DCDC2: variants seen among roughly 807,000 people sequenced by gnomAD.
DCDC2 encodes doublecortin domain-containing protein 2.
Under a neutral mutation model 50.2 loss-of-function variants are expected in DCDC2, and 40 were observed. The ratio of observed to expected loss-of-function variants is 0.80; its 90% CI spans 0.62 to 1.04. The LOEUF (loss-of-function observed/expected upper bound fraction) is 1.04. Ranked by LOEUF, DCDC2 falls within the 50% of genes least tolerant of loss-of-function variation. The pLI is 0.00. For synonymous variants in DCDC2, 234 were observed against 210.6 expected, an observed-to-expected ratio of 1.11 and a Z score of -0.96; for missense variants, 570 against 581.9, an observed-to-expected ratio of 0.98 and a Z score of 0.21.
chr6:24,268,608 G>A (rs1381038314), intron 7 of DCDC2, among the ~76,000 whole-genome samples: 7 of 152,306 alleles, frequency 4.6e-5, no homozygotes, highest in Non-Finnish European at 1.0e-4. Flanking sequence ...AGAAGCTCTT[G>A]TCGCCCAGGT....
At chr6:24,212,131 C>A (rs1382419175) in intron 7 of DCDC2, among the ~76,000 whole-genome samples, 1 of 152,138 alleles carries the variant, frequency 6.6e-6, no homozygotes, top group African/African-American at 2.4e-5. Context: ...ATCTAGGGTG[C>A]ACGCTCCTTA....
intron 8 of DCDC2, among the ~76,000 whole-genome samples, chr6:24,201,872 A>G (rs547555775): frequency 6.6e-6 from 1 of 152,350 alleles, no homozygotes; most frequent in South Asian, 2.1e-4. Context: ...CTCTATGCAA[A>G]TAAACTAGAA....
rs755668102 is a variant in DCDC2 at position 24,205,163 on chromosome 6, C to T, written c.923-61G>A. On this transcript the variant is annotated intron_variant, in intron 7 of 9. Coordinates refer to ENST00000378454, the MANE Select transcript of DCDC2 (RefSeq NM_016356.5). ...AATTGTGACATCGTGTGGCTGAATG[C>T]TGGAATTACAATCAAATGCTTATTT... 5.6e-6 allele frequency: 9 copies of T among 1,614,124 alleles called. No homozygotes were observed. In the South Asian group the frequency reaches 6.6e-5, roughly 12 times the overall value.
At chr6:24,369,069 G>A in the DCDC2 span, among the ~76,000 whole-genome samples, 1 of 149,562 alleles carries the variant, frequency 6.7e-6, no homozygotes. Context: ...GGGAGGTGGA[G>A]GTTGCAGTGA....
intron 2 of DCDC2, among the ~76,000 whole-genome samples, chr6:24,347,822 T>C (rs1032076540): frequency 1.3e-5 from 2 of 152,054 alleles, no homozygotes; most frequent in East Asian, 1.9e-4. Context: ...TGAAACAAAA[T>C]CTAAATAGGT....
chr6:24,178,448 C>A lies in DCDC2; in HGVS notation c.1208G>T (p.Arg403Leu), dbSNP rs139858268. Reference sequence around the variant, plus strand: ...CTCCTCATCGGTGCCTCCATTTACACGAGCAGGGCGTGCCTGCTGCTCACT... The same window carrying A: ...CTCCTCATCGGTGCCTCCATTTACAAGAGCAGGGCGTGCCTGCTGCTCACT... Reference protein sequence around the residue: ...DHSEQQARPARVNGGTDEENG... With the variant: ...DHSEQQARPALVNGGTDEENG... The change falls in exon 9 of 10, where the codon CGT (arginine) becomes CTT (leucine). Residue 403 changes from arginine to leucine, a missense_variant. Transcript: ENST00000378454. 6.2e-7 allele frequency: 1 copy of A among 1,614,202 alleles called. No homozygotes were observed. Among genetic ancestry groups the A allele is most frequent in the Non-Finnish European group, 8.5e-7 (1 of 1,180,040 alleles).
rs778095991 is a variant in DCDC2, at chr6:24,178,548, T to C, written c.1108A>G (p.Asn370Asp). 1 of 1,614,162 alleles carries C rather than the reference T, an allele frequency of 6.2e-7. No individual in the cohort carries two copies. Among genetic ancestry groups the C allele is most frequent in the Non-Finnish European group, 8.5e-7 (1 of 1,180,030 alleles). ...CCTCCTTCCTCTTCAAGGTCACCATTCATTCCTGAAAAGTCTTCTTTCTGT... is the reference window on the plus strand; with the variant it reads ...CCTCCTTCCTCTTCAAGGTCACCATCCATTCCTGAAAAGTCTTCTTTCTGT... ...AEQKEDFSGM[N>D]GDLEEEGGRE... The change falls in exon 9 of 10, where the codon AAT (asparagine) becomes GAT (aspartate). Residue 370 changes from asparagine to aspartate, a missense_variant. Physicochemically the swap from Asn to Asp is conservative, Grantham distance 23. Coordinates refer to ENST00000378454, the MANE Select transcript of DCDC2 (RefSeq NM_016356.5).
chr6:24,291,525 G>A (rs369345002), intron 4 of DCDC2, among the ~76,000 whole-genome samples: 38 of 113,098 alleles, frequency 3.4e-4, no homozygotes, highest in Admixed American at 8.3e-4. Context: ...TCGCTCTGTC[G>A]CCCAGGCTGG....
At chr6:24,201,285 G>T (rs1217883080) in intron 8 of DCDC2, among the ~76,000 whole-genome samples, 3 of 152,074 alleles carry the variant, frequency 2.0e-5, no homozygotes, top group Non-Finnish European at 4.4e-5. Flanking sequence ...CAAAATAATG[G>T]AAATCATAAT....
intron 7 of DCDC2, among the ~76,000 whole-genome samples, chr6:24,242,635 T>C (rs1762588944): frequency 6.6e-6 from 1 of 152,102 alleles, no homozygotes; most frequent in African/African-American, 2.4e-5. Flanking sequence ...AGCACAGGTA[T>C]AGGCAGGTAG....
chr6:24,292,361 G>A (rs888626554), intron 4 of DCDC2, among the ~76,000 whole-genome samples: 6 of 151,060 alleles, frequency 4.0e-5, no homozygotes, highest in African/African-American at 1.5e-4. Flanking sequence ...AAAACCCATT[G>A]ACCTGTCAGC....
At chr6:24,235,815 G>A (rs1414987990) in intron 7 of DCDC2, among the ~76,000 whole-genome samples, 3 of 152,052 alleles carry the variant, frequency 2.0e-5, no homozygotes, top group Non-Finnish European at 2.9e-5. Context: ...CACCAATAAT[G>A]TACAAGCTGA....
chr6:24,377,786 G>A, the DCDC2 span, among the ~76,000 whole-genome samples: 1 of 152,148 alleles, frequency 6.6e-6, no homozygotes, highest in Non-Finnish European at 1.5e-5. Flanking sequence ...TCAGGAGTTC[G>A]AGACCAGCCT....
At chr6:24,228,699 G>A (rs748774780) in intron 7 of DCDC2, among the ~76,000 whole-genome samples, 3 of 152,126 alleles carry the variant, frequency 2.0e-5, no homozygotes, top group Non-Finnish European at 4.4e-5. Flanking sequence ...GCAGCACTGT[G>A]TACTAACTTC....
intron 7 of DCDC2, among the ~76,000 whole-genome samples, chr6:24,236,050 TTCTG>T (rs1762434554): frequency 6.6e-6 from 1 of 152,208 alleles, no homozygotes; most frequent in Middle Eastern, 3.4e-3. Context: ...TCAATGCCAT[TTCTG>T]TCTGACATCA....
At chr6:24,299,052 T>A (rs1228135672) in intron 4 of DCDC2, among the ~76,000 whole-genome samples, 2 of 152,218 alleles carry the variant, frequency 1.3e-5, no homozygotes, top group Non-Finnish European at 2.9e-5. Context: ...TTCACTGCCG[T>A]GCTATTCACA....
At chr6:24,378,529 C>T in the DCDC2 span, among the ~76,000 whole-genome samples, 6 of 152,234 alleles carry the variant, frequency 3.9e-5, no homozygotes, top group African/African-American at 1.4e-4. Flanking sequence ...TCAGAGCTCC[C>T]ATGTGGAATA....
intron 6 of DCDC2, among the ~76,000 whole-genome samples, chr6:24,280,538 TTTTA>T (rs902828970): frequency 3.9e-5 from 6 of 152,016 alleles, no homozygotes; most frequent in African/African-American, 1.5e-4. Flanking sequence ...GATTTTAAAA[TTTTA>T]TTTATTTTTT....
intron 5 of DCDC2, among the ~76,000 whole-genome samples, 153 bp downstream of exon 5, chr6:24,290,779 A>G (rs1338430278): frequency 6.6e-6 from 1 of 152,050 alleles, no homozygotes; most frequent in East Asian, 1.9e-4. Flanking sequence ...TCATGGCAAT[A>G]AAAACAAAGA....
Sources: gnomAD v4.1 joint callset for allele counts (sites outside exome capture counted in the v4.1 genomes callset) on GRCh38, gnomAD v4.1.1 for gene constraint, MANE v1.5 for transcripts, NCBI Gene and HGNC (gene_info 2026-07-23, HGNC 2026-07-21) for gene names.